The following CALN1 variants were observed in gnomAD, a reference collection of about 807,000 sequenced individuals.
CALN1 encodes the protein calcium-binding protein 8.
A neutral mutation model predicts 30.6 loss-of-function variants in CALN1; 17 were observed. That is an observed-to-expected ratio of 0.56 (90% CI 0.38 to 0.83). The LOEUF (loss-of-function observed/expected upper bound fraction) is 0.83, where lower values mean the gene tolerates loss of function less well. CALN1 is among the 40% of genes least tolerant of loss of function. CALN1 has a pLI of 0.00. For missense variants in CALN1, 291 were observed against 354.9 expected (o/e 0.82, Z 1.45); for synonymous variants, 156 against 131.4 (o/e 1.19, Z -1.28).
intron 1 of CALN1, among the ~76,000 whole-genome samples, chr7:72,406,222 C>T (rs553132528): frequency 3.3e-5 from 5 of 152,292 alleles, no homozygotes; most frequent in East Asian, 1.9e-4. Flanking sequence ...AGCCAAGCAG[C>T]CCTGCACAAG....
At chr7:71,980,494 C>T (rs939352124) in intron 5 of CALN1, among the ~76,000 whole-genome samples, 1 of 152,088 alleles carries the variant, frequency 6.6e-6, no homozygotes, top group Non-Finnish European at 1.5e-5. Flanking sequence ...CCAGCCAACA[C>T]ATCAGAATTC....
chr7:71,954,028 G>A (rs1029391281), intron 5 of CALN1, among the ~76,000 whole-genome samples: 2 of 152,190 alleles, frequency 1.3e-5, no homozygotes, highest in African/African-American at 4.8e-5. Flanking sequence ...TATTGCTAGA[G>A]AATCAGGGGT....
intron 5 of CALN1, among the ~76,000 whole-genome samples, chr7:71,947,554 G>A (rs1796467782): frequency 1.3e-5 from 2 of 152,306 alleles, no homozygotes; most frequent in South Asian, 4.1e-4. Context: ...GCTTAAAAGT[G>A]AAGAAAATTA....
At chr7:72,384,848 T>A (rs923716779) in intron 2 of CALN1, among the ~76,000 whole-genome samples, 1 of 152,066 alleles carries the variant, frequency 6.6e-6, no homozygotes, top group Non-Finnish European at 1.5e-5. Context: ...AAGATACTTT[T>A]AAGAGAATGA....
Position 72,241,716 on chromosome 7 carries a change from A to C in CALN1, c.244+36970T>G, listed in dbSNP as rs138606147. 1.5e-3 allele frequency among the ~76,000 whole-genome samples: 231 copies of C among 152,230 alleles called. 3 individuals are homozygous for C. The highest frequency in any genetic ancestry group is 0.014 in the East Asian group (71 of 5,182). On this transcript the variant is annotated intron_variant, in intron 3 of 6. Coordinates refer to ENST00000395275, the MANE Select transcript of CALN1 (RefSeq NM_031468.4). ...AGTGAAACTCCATCTCAAAACAAAA[A>C]AAAAAAGGTTCAAATATATCTGATG...
intron 3 of CALN1, among the ~76,000 whole-genome samples, chr7:72,234,673 T>C (rs1794355099): frequency 6.6e-6 from 1 of 152,302 alleles, no homozygotes; most frequent in Admixed American, 6.5e-5. Flanking sequence ...CTCGAACTCC[T>C]GACTGCAAGT....
intron 2 of CALN1, among the ~76,000 whole-genome samples, chr7:72,344,628 TTAAA>T (rs1313578463): frequency 7.4e-6 from 1 of 134,300 alleles, no homozygotes; most frequent in African/African-American, 2.5e-5. Context: ...ATATATAAAT[TTAAA>T]TATATATTTA....
chr7:72,115,272 C>T (rs2129541816), intron 3 of CALN1, among the ~76,000 whole-genome samples: 1 of 145,216 alleles, frequency 6.9e-6, no homozygotes, highest in Admixed American at 6.9e-5. Context: ...CAGGAACAAG[C>T]CACTTAGATG....
intron 1 of CALN1, among the ~76,000 whole-genome samples, chr7:72,425,221 C>A (rs964991092): frequency 5.3e-5 from 8 of 152,182 alleles, no homozygotes; most frequent in African/African-American, 1.9e-4. Flanking sequence ...TCAAGTGATT[C>A]TCCTGCCTCA....
intron 4 of CALN1, among the ~76,000 whole-genome samples, chr7:72,051,555 C>T (rs1208751432): frequency 6.6e-6 from 1 of 152,126 alleles, no homozygotes; most frequent in Non-Finnish European, 1.5e-5. Flanking sequence ...GTTATATTAA[C>T]TGTTCCAGGA....
At chr7:72,106,077 C>A (rs1807084150) in intron 4 of CALN1, 74 bp downstream of exon 4, 16 of 1,548,766 alleles carry the variant, frequency 1.0e-5, no homozygotes, top group Non-Finnish European at 1.3e-5. Context: ...AGTGCAAGGC[C>A]CTGCATAAAC....
At chr7:71,999,679 C>T (rs1014641666) in intron 5 of CALN1, among the ~76,000 whole-genome samples, 2 of 152,060 alleles carry the variant, frequency 1.3e-5, no homozygotes, top group Non-Finnish European at 2.9e-5. Flanking sequence ...CCACACCCTG[C>T]TAATTTTTCT....
intron 3 of CALN1, among the ~76,000 whole-genome samples, chr7:72,223,597 C>T (rs1044660515): frequency 2.0e-5 from 3 of 152,112 alleles, no homozygotes; most frequent in Non-Finnish European, 4.4e-5. Context: ...CCCTCACAGG[C>T]CCCCACAAAA....
upstream of CALN1, among the ~76,000 whole-genome samples, chr7:72,415,461 C>G (rs997836595): frequency 6.6e-6 from 1 of 152,202 alleles, no homozygotes; most frequent in Non-Finnish European, 1.5e-5. Flanking sequence ...GAGTATGGCC[C>G]GGCATTGCCA....
At chr7:72,445,030 T>TG (rs1808480880) in intron 1 of CALN1, among the ~76,000 whole-genome samples, 1 of 148,814 alleles carries the variant, frequency 6.7e-6, no homozygotes, top group Non-Finnish European at 1.5e-5. Flanking sequence ...TACAGCTTCT[T>TG]GAAAGCCAGC....
intron 3 of CALN1, among the ~76,000 whole-genome samples, chr7:72,263,523 G>A (rs1454970662): frequency 6.6e-6 from 1 of 151,920 alleles, no homozygotes; most frequent in Non-Finnish European, 1.5e-5. Flanking sequence ...AGCTTGCTGG[G>A]CAACTTGGAC....
chr7:72,163,471 G>A (rs548062557), intron 3 of CALN1, among the ~76,000 whole-genome samples: 2 of 149,634 alleles, frequency 1.3e-5, no homozygotes, highest in Admixed American at 6.7e-5. Flanking sequence ...AAGATGACTC[G>A]ATATTGAAAT....
chr7:72,372,772 A>G (rs1042151876), intron 2 of CALN1, among the ~76,000 whole-genome samples: 7 of 152,308 alleles, frequency 4.6e-5, no homozygotes, highest in East Asian at 3.9e-4. Context: ...GCCTACTAAA[A>G]TAAAACCAAA....
chr7:72,418,089 G>C (rs563509567), intron 1 of CALN1, among the ~76,000 whole-genome samples: 15 of 152,248 alleles, frequency 9.9e-5, no homozygotes, highest in Middle Eastern at 3.4e-3. Flanking sequence ...GTACCCAATA[G>C]GTAGTGTTTC....
Sources: allele counts gnomAD v4.1 joint callset (sites outside exome capture counted in the v4.1 genomes callset), GRCh38; gene constraint gnomAD v4.1.1; transcripts MANE v1.5; gene names NCBI Gene and HGNC (gene_info 2026-07-23, HGNC 2026-07-21).